Variants in MGAT4A observed in about 807,000 individuals in gnomAD.
MGAT4A encodes the protein alpha-1,3-mannosyl-glycoprotein 4-beta-N-acetylglucosaminyltransferase A.
MGAT4A carries 33 observed loss-of-function variants against 74.1 expected under a neutral mutation model. The ratio of observed to expected loss-of-function variants is 0.45; its 90% confidence interval spans 0.34 to 0.60. MGAT4A has a LOEUF of 0.60. Ranked by LOEUF, MGAT4A falls within the 20% of genes least tolerant of loss-of-function variation. The probability of loss-of-function intolerance (pLI) is 0.02; values close to 1 mark genes in which losing one functional copy is unlikely to be tolerated. For synonymous variants in MGAT4A, 198 were observed against 210.4 expected (o/e 0.94, Z 0.51); for missense variants, 479 against 628.3 (o/e 0.76, Z 2.54).
chr2:98,645,170 T>G (rs1701466811), intron 9 of MGAT4A, among the ~76,000 whole-genome samples: 1 of 152,084 alleles, frequency 6.6e-6, no homozygotes, highest in Non-Finnish European at 1.5e-5. Flanking sequence ...GAAGAAAAAA[T>G]CAAACATGCT....
At chr2:98,626,921 C>A (rs866558727) in intron 14 of MGAT4A, among the ~76,000 whole-genome samples, 1 of 152,152 alleles carries the variant, frequency 6.6e-6, no homozygotes, top group African/African-American at 2.4e-5. Flanking sequence ...CACAAACACA[C>A]GATTTTAATG....
At chr2:98,689,014 A>C (rs1355365693) in intron 2 of MGAT4A, among the ~76,000 whole-genome samples, 1 of 152,170 alleles carries the variant, frequency 6.6e-6, no homozygotes, top group Non-Finnish European at 1.5e-5. Flanking sequence ...TTCATCAATC[A>C]TTCCTAATCA....
chr2:98,690,199 G>A (rs920030814), intron 2 of MGAT4A, among the ~76,000 whole-genome samples: 3 of 152,120 alleles, frequency 2.0e-5, no homozygotes, highest in Non-Finnish European at 4.4e-5. Context: ...TTGCCCAACT[G>A]TTACTAGGCC....
intron 5 of MGAT4A, among the ~76,000 whole-genome samples, chr2:98,662,308 A>T (rs916073078): frequency 6.6e-6 from 1 of 152,188 alleles, no homozygotes; most frequent in African/African-American, 2.4e-5. Flanking sequence ...CTTAACATAT[A>T]ATTTGAAATA....
At chr2:98,664,782 CA>C (rs1448784785) in intron 4 of MGAT4A, among the ~76,000 whole-genome samples, 2 of 151,786 alleles carry the variant, frequency 1.3e-5, no homozygotes, top group African/African-American at 4.9e-5. Context: ...GTGTAACTGA[CA>C]AAGTGTTTGA....
In MGAT4A at chr2:98,623,798, A is replaced by G; in HGVS notation, c.*1768T>C. The G allele has an allele frequency of 1.0e-6, 1 of 985,360 alleles. No individual in the cohort carries two copies. The highest frequency in any genetic ancestry group is 1.2e-6 in the Non-Finnish European group (1 of 829,914). 61.0% of individuals were successfully genotyped at this position (985,360 alleles called of 1,614,324 possible). A position where few individuals can be genotyped will look rare whatever the true frequency, so the allele number is the denominator to read the frequency against. Reference sequence around the variant, plus strand: ...GTAACACAGCACAGGAAATGATGCTATTTCATGCTGTTGGTTCAGCACATT... The same window carrying G: ...GTAACACAGCACAGGAAATGATGCTGTTTCATGCTGTTGGTTCAGCACATT... On this transcript the variant is annotated 3_prime_UTR_variant, in exon 16 of 16. Coordinates refer to ENST00000393487, the MANE Select transcript of MGAT4A (RefSeq NM_012214.3).
chr2:98,726,591 C>A (rs1030891984), intron 1 of MGAT4A, 24 bp from the exon 2 acceptor site: 7 of 406,606 alleles, frequency 1.7e-5, no homozygotes, highest in Non-Finnish European at 1.3e-5. Context: ...AAGAGAAAGT[C>A]AAGCTCATTC....
intron 4 of MGAT4A, 74 bp from the exon 5 acceptor site, chr2:98,663,253 T>C: frequency 1.3e-6 from 2 of 1,529,640 alleles, no homozygotes; most frequent in South Asian, 1.2e-5. Flanking sequence ...ATTTCAAAAG[T>C]ATTATACCCT....
intron 2 of MGAT4A, among the ~76,000 whole-genome samples, chr2:98,696,844 A>G (rs1472853495): frequency 3.3e-5 from 5 of 152,224 alleles, no homozygotes; most frequent in Admixed American, 6.5e-5. Context: ...CTGCATACCC[A>G]TACATTAAGA....
intron 4 of MGAT4A, among the ~76,000 whole-genome samples, chr2:98,667,740 A>G (rs1305688684): frequency 6.7e-6 from 1 of 149,222 alleles, no homozygotes; most frequent in African/African-American, 2.5e-5. Flanking sequence ...TTGTTTTGAG[A>G]CAGAGTTTCG....
At position 98,625,568 on chromosome 2, in the gene MGAT4A, A is replaced by T; in HGVS notation, c.1606T>A (p.Ter536ArgextTer11). 1 of 1,609,376 alleles carries T rather than the reference A, an allele frequency of 6.2e-7. No homozygotes were observed. Among genetic ancestry groups the T allele is most frequent in the Non-Finnish European group, 8.5e-7 (1 of 1,178,644 alleles). ...AAATGTGTTGGTTTCTCAGATGATC[A>T]GTTGGTGGCTTTTTTAATATGAATC... ...NEIHIKKATN[*>R] Residue 536 changes from the stop codon to arginine (R), a stop_lost, in exon 16 of 16, where the codon TGA becomes AGA. Coordinates refer to ENST00000393487, the MANE Select transcript of MGAT4A (RefSeq NM_012214.3).
intron 14 of MGAT4A, among the ~76,000 whole-genome samples, chr2:98,632,998 T>A (rs1701264601): frequency 6.6e-6 from 1 of 152,222 alleles, no homozygotes; most frequent in African/African-American, 2.4e-5. Context: ...GAGCTGGTGA[T>A]CTGCCTACCT....
chr2:98,714,060 A>T (rs1296881673), intron 2 of MGAT4A, among the ~76,000 whole-genome samples: 1 of 152,242 alleles, frequency 6.6e-6, no homozygotes, highest in East Asian at 1.9e-4. Context: ...GGGATTGAGC[A>T]TAAGCAACTA....
At chr2:98,631,553 G>A (rs370465429) in intron 14 of MGAT4A, among the ~76,000 whole-genome samples, 4 of 152,366 alleles carry the variant, frequency 2.6e-5, no homozygotes, top group African/African-American at 9.6e-5. Context: ...GGGGAAGGAA[G>A]CACACGGGCG....
intron 5 of MGAT4A, among the ~76,000 whole-genome samples, chr2:98,661,457 T>C (rs1331110204): frequency 6.6e-6 from 1 of 152,164 alleles, no homozygotes; most frequent in Non-Finnish European, 1.5e-5. Context: ...TATGTACACA[T>C]ATGTATGTGT....
intron 2 of MGAT4A, among the ~76,000 whole-genome samples, chr2:98,689,971 T>C (rs1439463584): frequency 6.6e-6 from 1 of 151,746 alleles, no homozygotes; most frequent in East Asian, 1.9e-4. Flanking sequence ...GAATGGGAAC[T>C]AGAAAAGTCG....
chr2:98,636,107 C>T (rs1394895782), intron 13 of MGAT4A, among the ~76,000 whole-genome samples: 1 of 151,868 alleles, frequency 6.6e-6, no homozygotes, highest in Non-Finnish European at 1.5e-5. Context: ...ATTCTCGTGC[C>T]TCAGCCTCCC....
intron 2 of MGAT4A, among the ~76,000 whole-genome samples, chr2:98,705,245 T>C (rs574726928): frequency 6.6e-6 from 1 of 152,178 alleles, no homozygotes; most frequent in African/African-American, 2.4e-5. Flanking sequence ...TTCACAGGTG[T>C]GATTAATTCA....
chr2:98,645,568 A>G lies in MGAT4A; in HGVS notation c.775-26T>C. The G allele has an allele frequency of 3.5e-6, 5 of 1,446,188 alleles. No individual in the cohort carries two copies. The South Asian group carries it at 5.5e-5, about 16-fold the overall frequency. 89.6% of individuals were successfully genotyped at this position (1,446,188 alleles called of 1,614,324 possible). ...CTAGAGAAAATTGAACAATCATATT[A>G]ATACATCAAAAAAAGAAAGGTATTG... On this transcript the variant is annotated intron_variant, in intron 8 of 15. Coordinates refer to ENST00000393487, the MANE Select transcript of MGAT4A (RefSeq NM_012214.3).
Sources: gnomAD v4.1 joint callset for allele counts (sites outside exome capture counted in the v4.1 genomes callset) on GRCh38, gnomAD v4.1.1 for gene constraint, MANE v1.5 for transcripts, NCBI Gene and HGNC (gene_info 2026-07-23, HGNC 2026-07-21) for gene names.